PTPRD: variants seen among roughly 807,000 people sequenced by gnomAD.
The protein encoded by PTPRD is receptor-type tyrosine-protein phosphatase delta.
Under a neutral mutation model 214.5 loss-of-function variants are expected in PTPRD, and 34 were observed. That is an observed-to-expected ratio of 0.16 (90% CI 0.12 to 0.21). The LOEUF (loss-of-function observed/expected upper bound fraction) is 0.21, where lower values mean the gene tolerates loss of function less well. PTPRD is among the 10% of genes least tolerant of loss of function. PTPRD has a pLI of 1.00. For synonymous variants in PTPRD, 1,128 were observed against 845.7 expected, an observed-to-expected ratio of 1.33 and a Z score of -5.79; for missense variants, 2,545 against 2,398.7, an observed-to-expected ratio of 1.06 and a Z score of -1.27.
At chr9:10,482,133 A>G (rs1004441482) in intron 2 of PTPRD, among the ~76,000 whole-genome samples, 1 of 152,176 alleles carries the variant, frequency 6.6e-6, no homozygotes, top group Non-Finnish European at 1.5e-5. Context: ...GCATTTTGGG[A>G]GGCCCAGGCG....
At chr9:10,278,549 T>G (rs1266543171) in intron 3 of PTPRD, among the ~76,000 whole-genome samples, 2 of 152,158 alleles carry the variant, frequency 1.3e-5, no homozygotes, top group South Asian at 4.1e-4. Context: ...AAAGAACTCA[T>G]GTGTGTGCCT....
chr9:8,367,208 A>G (rs1049268356), intron 39 of PTPRD, among the ~76,000 whole-genome samples: 9 of 151,884 alleles, frequency 5.9e-5, no homozygotes, highest in African/African-American at 2.2e-4. Flanking sequence ...ATTTAAAATA[A>G]GAGTTGCATT....
At chr9:9,204,213 C>A (rs1465015546) in intron 9 of PTPRD, among the ~76,000 whole-genome samples, 2 of 152,178 alleles carry the variant, frequency 1.3e-5, no homozygotes, top group Non-Finnish European at 2.9e-5. Flanking sequence ...GTTGGTAAAT[C>A]TGCTTTGCAG....
chr9:9,371,414 T>C (rs566309607), intron 9 of PTPRD, among the ~76,000 whole-genome samples: 1 of 152,354 alleles, frequency 6.6e-6, no homozygotes, highest in South Asian at 2.1e-4. Flanking sequence ...GTGTTTATAG[T>C]ATTCTCTGAT....
chr9:9,826,695 T>A (rs938380501), intron 5 of PTPRD, among the ~76,000 whole-genome samples: 11 of 151,978 alleles, frequency 7.2e-5, no homozygotes, highest in South Asian at 6.2e-4. Flanking sequence ...AAACACTTTT[T>A]TAAAAAGATC....
chr9:9,378,978 T>C (rs1295824233), intron 9 of PTPRD, among the ~76,000 whole-genome samples: 1 of 147,110 alleles, frequency 6.8e-6, no homozygotes, highest in African/African-American at 2.5e-5. Flanking sequence ...CTTGACATTG[T>C]ATTTGAAAAT....
At chr9:10,234,089 CTA>C (rs2099621192) in intron 3 of PTPRD, among the ~76,000 whole-genome samples, 1 of 151,632 alleles carries the variant, frequency 6.6e-6, no homozygotes, top group Non-Finnish European at 1.5e-5. Flanking sequence ...CCTGTGTCTA[CTA>C]ATAATACAAA....
At chr9:9,520,446 A>G (rs1445371304) in intron 8 of PTPRD, among the ~76,000 whole-genome samples, 1 of 152,076 alleles carries the variant, frequency 6.6e-6, no homozygotes, top group Non-Finnish European at 1.5e-5. Flanking sequence ...ATACATCTCC[A>G]TTAAACTGAG....
chr9:9,292,093 A>G (rs1053894388), intron 9 of PTPRD, among the ~76,000 whole-genome samples: 1 of 151,352 alleles, frequency 6.6e-6, no homozygotes, highest in Non-Finnish European at 1.5e-5. Context: ...TGTATTATCT[A>G]TGAGACGAGG....
chr9:10,138,612 A>G (rs1290938177), intron 3 of PTPRD, among the ~76,000 whole-genome samples: 1 of 152,072 alleles, frequency 6.6e-6, no homozygotes, highest in Non-Finnish European at 1.5e-5. Flanking sequence ...ACACAATATC[A>G]GGACAATATT....
At chr9:9,678,091 A>G (rs2096974055) in intron 7 of PTPRD, among the ~76,000 whole-genome samples, 1 of 152,172 alleles carries the variant, frequency 6.6e-6, no homozygotes, top group South Asian at 2.1e-4. Flanking sequence ...ATGGAAGAAC[A>G]TTCCATGCTC....
At chr9:9,143,425 T>C (rs909415056) in intron 10 of PTPRD, among the ~76,000 whole-genome samples, 2 of 152,206 alleles carry the variant, frequency 1.3e-5, no homozygotes, top group South Asian at 4.1e-4. Context: ...TACGTTATAT[T>C]GAATAAATGT....
At chr9:8,977,665 ATTTTTTTTT>A (rs34223430) in intron 11 of PTPRD, among the ~76,000 whole-genome samples, 2 of 141,586 alleles carry the variant, frequency 1.4e-5, no homozygotes, top group Non-Finnish European at 3.0e-5. Flanking sequence ...AACAAGGAGA[ATTTTTTTTT>A]TTTTTTTTGC....
At chr9:10,453,114 G>A (rs76643529) in intron 2 of PTPRD, among the ~76,000 whole-genome samples, 1,805 of 151,394 alleles carry the variant, frequency 0.012, 32 homozygotes, top group African/African-American at 0.039. Flanking sequence ...CTCTTGTCAA[G>A]GATTAGTTGC....
Position 9,098,251 on chromosome 9 carries a change from A to G in PTPRD, c.-142-79516T>C, listed in dbSNP as rs10977488. 8.4e-3 allele frequency among the ~76,000 whole-genome samples: 1,274 copies of G among 152,104 alleles called. 9 individuals are homozygous for G. Among genetic ancestry groups the G allele is most frequent in the Non-Finnish European group, 0.015 (1,004 of 67,974 alleles). ...ATTTTTGACTCCTATTCTTTTGTCC[A>G]TAAATAGATTTATTATTTTCAGTAT... On this transcript the variant is annotated intron_variant, in intron 10 of 45. Transcript: ENST00000381196.
intron 10 of PTPRD, among the ~76,000 whole-genome samples, chr9:9,180,061 T>A (rs188088181): frequency 1.3e-5 from 2 of 152,182 alleles, no homozygotes; most frequent in African/African-American, 4.8e-5. Context: ...TAAGTACCGA[T>A]TGCGCCACTG....
chr9:9,021,651 T>A (rs1339965552), intron 10 of PTPRD, among the ~76,000 whole-genome samples: 1 of 152,110 alleles, frequency 6.6e-6, no homozygotes, highest in African/African-American at 2.4e-5. Flanking sequence ...CCCCTGAAGA[T>A]CTTCTAGTGG....
chr9:8,836,521 C>T (rs1232589839), intron 11 of PTPRD, among the ~76,000 whole-genome samples: 1 of 148,602 alleles, frequency 6.7e-6, no homozygotes, highest in Non-Finnish European at 1.5e-5. Context: ...AATTTTAAAA[C>T]TCTGACCTTT....
chr9:10,352,694 T>G (rs994934881), intron 2 of PTPRD, among the ~76,000 whole-genome samples: 4 of 152,092 alleles, frequency 2.6e-5, no homozygotes, highest in Non-Finnish European at 5.9e-5. Flanking sequence ...TACTATCTAT[T>G]ACTATTTGAT....
Sources: gnomAD v4.1 joint callset for allele counts (sites outside exome capture counted in the v4.1 genomes callset) on GRCh38, gnomAD v4.1.1 for gene constraint, MANE v1.5 for transcripts, NCBI Gene and HGNC (gene_info 2026-07-23, HGNC 2026-07-21) for gene names.